The following SGK3 variants were observed in gnomAD, a reference collection of about 807,000 sequenced individuals.
SGK3 encodes serum/glucocorticoid regulated kinase family member 3, also known as serine/threonine-protein kinase Sgk3.
Under a neutral mutation model 68.5 loss-of-function variants are expected in SGK3, and 47 were observed. The ratio of observed to expected loss-of-function variants is 0.69; its 90% CI spans 0.54 to 0.87. The LOEUF (loss-of-function observed/expected upper bound fraction) is 0.87, where lower values mean the gene tolerates loss of function less well. SGK3 is among the 40% of genes least tolerant of loss of function. The pLI, the probability that SGK3 is intolerant of heterozygous loss-of-function variation, is 0.00. For missense variants in SGK3, 479 were observed against 575.5 expected (o/e 0.83, Z 1.72); for synonymous variants, 181 against 189.1 (o/e 0.96, Z 0.35).
At chr8:66,725,689 T>G (rs1272382198) in intron 1 of SGK3, among the ~76,000 whole-genome samples, 1 of 152,054 alleles carries the variant, frequency 6.6e-6, no homozygotes, top group Non-Finnish European at 1.5e-5. Context: ...CCAGTAGTAA[T>G]TTGCAGGTGC....
Position 66,779,601 on chromosome 8 carries a change from T to TATATAA in SGK3, c.-121-14014_-121-14013insTATAAA, listed in dbSNP as rs1554598086. Among the ~76,000 whole-genome samples, 297 of 104,066 alleles carry TATATAA rather than the reference T, an allele frequency of 2.9e-3. 1 individual carries two copies. Among genetic ancestry groups the TATATAA allele is most frequent in the Non-Finnish European group, 3.8e-3 (203 of 53,858 alleles). The allele number at this position is 104,066 out of a possible 152,430, so 68.3% of individuals were successfully genotyped here. ...ATATATATATATATATATATATATA[T>TATATAA]AAAACACATTTTTTATATATATACG... On this transcript the variant is annotated intron_variant, in intron 1 of 16. Coordinates refer to ENST00000521198, the MANE Select transcript of SGK3 (RefSeq NM_001033578.3).
chr8:66,816,112 G>C (rs762633932), intron 5 of SGK3, among the ~76,000 whole-genome samples: 19 of 150,784 alleles, frequency 1.3e-4, no homozygotes, highest in Non-Finnish European at 2.2e-4. Context: ...CCAGTCTCCT[G>C]CCTCAGCCTC....
intron 1 of SGK3, among the ~76,000 whole-genome samples, chr8:66,744,173 G>A (rs1398610594): frequency 1.3e-5 from 2 of 151,932 alleles, no homozygotes. Flanking sequence ...ACAATTGACC[G>A]ATAGTTTGGC....
intron 1 of SGK3, among the ~76,000 whole-genome samples, chr8:66,752,588 A>G (rs576885362): frequency 6.6e-6 from 1 of 151,826 alleles, no homozygotes; most frequent in South Asian, 2.1e-4. Context: ...TACCCTGTGA[A>G]AAACTGGGGG....
intron 1 of SGK3, among the ~76,000 whole-genome samples, chr8:66,734,807 C>T (rs1023622332): frequency 3.3e-5 from 5 of 151,904 alleles, no homozygotes; most frequent in African/African-American, 1.2e-4. Context: ...ATTAGCTGGG[C>T]GTGGTGGCGC....
intron 13 of SGK3, among the ~76,000 whole-genome samples, chr8:66,841,899 T>C (rs1809811367): frequency 6.6e-6 from 1 of 152,180 alleles, no homozygotes; most frequent in African/African-American, 2.4e-5. Flanking sequence ...TTAGTTTATT[T>C]TGAACTGTCC....
intron 10 of SGK3, among the ~76,000 whole-genome samples, chr8:66,838,222 C>T (rs1331722513): frequency 3.3e-5 from 5 of 152,074 alleles, no homozygotes; most frequent in Non-Finnish European, 2.9e-5. Flanking sequence ...CGTGCCATGA[C>T]GCCCAGCTAA....
intron 16 of SGK3, among the ~76,000 whole-genome samples, chr8:66,855,393 G>A (rs1176906452): frequency 2.0e-5 from 3 of 152,254 alleles, no homozygotes; most frequent in African/African-American, 7.2e-5. Flanking sequence ...AGTAGAGATG[G>A]GGTTTCACCA....
rs1479749188 is a variant in SGK3 at position 66,839,545 on chromosome 8, ATATATATATATATT to A, written c.742-456_742-443del. Among the ~76,000 whole-genome samples, 91 of 75,480 alleles carry A rather than the reference ATATATATATATATT, an allele frequency of 1.2e-3. 2 individuals carry two copies. Among genetic ancestry groups the A allele is most frequent in the African/African-American group, 4.7e-3 (78 of 16,752 alleles). 49.5% of individuals were successfully genotyped at this position (75,480 alleles called of 152,430 possible). A position where few individuals can be genotyped will look rare whatever the true frequency, so the allele number is the denominator to read the frequency against. On this transcript the variant is annotated intron_variant, in intron 10 of 16. Coordinates refer to ENST00000521198, the MANE Select transcript of SGK3 (RefSeq NM_001033578.3). ...TATATATATATATATATATATATATATATATATATATATTTTCATATGGGTTATATTTGTTCTGC... is the reference window on the plus strand; with the variant it reads ...TATATATATATATATATATATATATATTCATATGGGTTATATTTGTTCTGC...
intron 1 of SGK3, among the ~76,000 whole-genome samples, chr8:66,762,004 T>G (rs1343546324): frequency 6.6e-6 from 1 of 152,246 alleles, no homozygotes; most frequent in Non-Finnish European, 1.5e-5. Flanking sequence ...TATTTAAGTA[T>G]TAGCTCTATA....
At chr8:66,829,807 T>C (rs1354329814) in intron 7 of SGK3, among the ~76,000 whole-genome samples, 1 of 152,076 alleles carries the variant, frequency 6.6e-6, no homozygotes. Context: ...GGAAGTTTGG[T>C]TTTAAGCATT....
At chr8:66,823,782 G>A (rs764677039) in intron 6 of SGK3, among the ~76,000 whole-genome samples, 3 of 152,094 alleles carry the variant, frequency 2.0e-5, no homozygotes, top group South Asian at 2.1e-4. Flanking sequence ...TTTACCATTC[G>A]AAGGTTATGT....
At chr8:66,743,795 G>A (rs1805549210) in intron 1 of SGK3, among the ~76,000 whole-genome samples, 1 of 152,246 alleles carries the variant, frequency 6.6e-6, no homozygotes, top group South Asian at 2.1e-4. Flanking sequence ...TTACAGGCGT[G>A]AGCTACCGCT....
intron 1 of SGK3, among the ~76,000 whole-genome samples, chr8:66,723,882 T>G (rs764120107): frequency 8.5e-5 from 13 of 152,336 alleles, no homozygotes; most frequent in Non-Finnish European, 1.5e-4. Context: ...CCCCTCTCTC[T>G]TCTCACCAAT....
intron 1 of SGK3, among the ~76,000 whole-genome samples, chr8:66,764,259 G>A (rs1335049145): frequency 3.3e-5 from 5 of 151,604 alleles, no homozygotes; most frequent in Non-Finnish European, 1.5e-5. Flanking sequence ...CAGTTCTTTT[G>A]TCCTTTGAGT....
intron 6 of SGK3, 140 bp from the exon 7 acceptor site, chr8:66,828,514 T>G: frequency 2.7e-6 from 3 of 1,094,214 alleles, no homozygotes; most frequent in Non-Finnish European, 2.7e-6. Context: ...ATACCCTTAC[T>G]GAGAATCAGG....
At chr8:66,827,799 A>G (rs1809124683) in intron 6 of SGK3, among the ~76,000 whole-genome samples, 1 of 152,184 alleles carries the variant, frequency 6.6e-6, no homozygotes, top group Non-Finnish European at 1.5e-5. Context: ...AAAAGCCTGT[A>G]TAAAATGTTG....
At chr8:66,735,433 G>A (rs188284515) in intron 1 of SGK3, among the ~76,000 whole-genome samples, 14 of 152,260 alleles carry the variant, frequency 9.2e-5, no homozygotes, top group Admixed American at 5.9e-4. Context: ...TATATTTAGC[G>A]GAAGTCTCTT....
intron 14 of SGK3, among the ~76,000 whole-genome samples, chr8:66,846,694 C>G (rs1196568022): frequency 6.6e-6 from 1 of 152,196 alleles, no homozygotes; most frequent in Admixed American, 6.5e-5. Flanking sequence ...AGTCTTTTGG[C>G]TGTTGCGGTG....
Sources: gnomAD v4.1 joint callset for allele counts (sites outside exome capture counted in the v4.1 genomes callset) on GRCh38, gnomAD v4.1.1 for gene constraint, MANE v1.5 for transcripts, NCBI Gene and HGNC (gene_info 2026-07-23, HGNC 2026-07-21) for gene names.